The following ASB18 variants were observed in gnomAD, a reference collection of about 807,000 sequenced individuals.
The protein encoded by ASB18 is ankyrin repeat and SOCS box protein 18.
ASB18 carries 33 observed loss-of-function variants against 33.4 expected under a neutral mutation model. The observed-to-expected ratio is 0.99, with a 90% CI of 0.75 to 1.32. The LOEUF (loss-of-function observed/expected upper bound fraction) is 1.32, where lower values mean the gene tolerates loss of function less well. Ranked by LOEUF, ASB18 falls within the 40% of genes most tolerant of loss-of-function variation. ASB18 has a pLI of 0.00. For missense variants in ASB18, 694 were observed against 655.5 expected (o/e 1.06, Z -0.64); for synonymous variants, 295 against 307.6 (o/e 0.96, Z 0.43).
intron 3 of ASB18, among the ~76,000 whole-genome samples, chr2:236,224,198 T>G (rs1345762750): frequency 6.7e-6 from 1 of 148,154 alleles, no homozygotes; most frequent in African/African-American, 2.5e-5. Flanking sequence ...TTTTTTTTTT[T>G]TTTTTTTTTT....
intron 3 of ASB18, among the ~76,000 whole-genome samples, chr2:236,230,341 T>G (rs558509188): frequency 1.3e-5 from 2 of 150,004 alleles, no homozygotes; most frequent in South Asian, 4.3e-4. Context: ...AGACATACAG[T>G]GCAAGAAATG....
In ASB18 at chr2:236,239,732, T is replaced by C. The variant is rs2060612723; in HGVS notation, c.328+1548A>G. On this transcript the variant is annotated intron_variant, in intron 2 of 5. Transcript: ENST00000409749. The surrounding 1 kb of genome is among the most constrained non-coding windows in gnomAD (Gnocchi z 5.6). ...TGCTCCCTGTACTCAGATCAATCCC[T>C]TCCCCACCAGGGGAGCTGGAATTGG... 1.3e-5 allele frequency among the ~76,000 whole-genome samples: 2 copies of C among 152,216 alleles called. No individual in the cohort carries two copies. The highest frequency in any genetic ancestry group is 3.2e-3 in the Middle Eastern group (1 of 316).
At position 236,248,080 on chromosome 2, in the gene ASB18, G is replaced by A. The variant is rs796896725; in HGVS notation, c.206-6678C>T. On this transcript the variant is annotated intron_variant, in intron 1 of 5. Coordinates refer to ENST00000409749, the MANE Select transcript of ASB18 (RefSeq NM_212556.4). This position sits in a 1 kb window ranked among gnomAD's most constrained non-coding sequence, Gnocchi z 4.9. ...AATGCCAGTTTCATGACAGCCTCTT[G>A]GAAAAGATGGAAACAGTGCGAGTCT... 5 of 152,308 alleles carry A rather than the reference G, an allele frequency of 3.3e-5. No individual in the cohort carries two copies. The highest frequency in any genetic ancestry group is 1.2e-4 in the African/African-American group (5 of 41,570). 9.4% of individuals were successfully genotyped at this position (152,308 alleles called of 1,614,324 possible). A position where few individuals can be genotyped will look rare whatever the true frequency, so the allele number is the denominator to read the frequency against.
rs1356848103 is a variant in ASB18, at chr2:236,215,817, A to G, written c.597-951T>C. 6.6e-6 allele frequency among the ~76,000 whole-genome samples: 1 copy of G among 152,088 alleles called. No homozygotes were observed. Among genetic ancestry groups the G allele is most frequent in the Non-Finnish European group, 1.5e-5 (1 of 68,008 alleles). ...CCCCCAACTTCAGCCACCTGCTCCC[A>G]TAGTCACCTGCCATCGATAAGGCCG... is the stretch of plus-strand genomic sequence containing the variant. On this transcript the variant is annotated intron_variant, in intron 3 of 5. Coordinates refer to ENST00000409749, the MANE Select transcript of ASB18 (RefSeq NM_212556.4). The surrounding 1 kb of genome is among the most constrained non-coding windows in gnomAD (Gnocchi z 7.2).
chr2:236,209,358 C>T lies in ASB18; in HGVS notation c.1101+5004G>A, dbSNP rs1361942758. Among the ~76,000 whole-genome samples, 1 of 151,660 alleles carries T rather than the reference C, an allele frequency of 6.6e-6. No individual in the cohort carries two copies. The highest frequency in any genetic ancestry group is 6.6e-5 in the Admixed American group (1 of 15,208). ...TGCAATCATGGCTCACTGCAGCTTC[C>T]ACCCCCTGGGTTTAGGTAATCCTCC... On this transcript the variant is annotated intron_variant, in intron 4 of 5. Coordinates refer to ENST00000409749, the MANE Select transcript of ASB18 (RefSeq NM_212556.4). The surrounding 1 kb of genome is among the most constrained non-coding windows in gnomAD (Gnocchi z 4.4).
At position 236,244,349 on chromosome 2, in the gene ASB18, G is replaced by A. The variant is rs563246686; in HGVS notation, c.206-2947C>T. On this transcript the variant is annotated intron_variant, in intron 1 of 5. Transcript: ENST00000409749. This position sits in a 1 kb window ranked among gnomAD's most constrained non-coding sequence, Gnocchi z 6.1. ...GCCCAGGAGGGCTAAGCAGACCCTCGCCCAGGGAGGCGGGCATAGCATAAG... is the reference window on the plus strand; with the variant it reads ...GCCCAGGAGGGCTAAGCAGACCCTCACCCAGGGAGGCGGGCATAGCATAAG... 1.3e-5 allele frequency among the ~76,000 whole-genome samples: 2 copies of A among 150,884 alleles called. No individual in the cohort carries two copies. The highest frequency in any genetic ancestry group is 1.9e-4 in the East Asian group (1 of 5,174).
chr2:236,240,732 C>T (rs2219062), intron 2 of ASB18, among the ~76,000 whole-genome samples: 130,726 of 152,262 alleles, frequency 0.86, 56,548 homozygotes, highest in African/African-American at 0.96. Context: ...CCTGCAGACA[C>T]GTATGAAGTC....
rs755783436 is a variant in ASB18 at position 236,241,419 on chromosome 2, G to A, written c.206-17C>T. Reference sequence around the variant, plus strand: ...CGAGGTCCCCTGCGACCAGGGCAGTGTGGTACTCCTGCACCGGGGACCCTG... The same window carrying A: ...CGAGGTCCCCTGCGACCAGGGCAGTATGGTACTCCTGCACCGGGGACCCTG... On this transcript the variant is annotated splice_polypyrimidine_tract_variant and intron_variant, in intron 1 of 5. Transcript: ENST00000409749. This position sits in a 1 kb window ranked among gnomAD's most constrained non-coding sequence, Gnocchi z 4.2. The A allele has an allele frequency of 3.7e-6, 6 of 1,613,908 alleles. No individual in the cohort carries two copies. The Admixed American group carries it at 1.0e-4, about 27-fold the overall frequency.
In ASB18 at chr2:236,214,511, C is replaced by G; in HGVS notation, c.952G>C (p.Asp318His). The G allele has an allele frequency of 6.8e-7, 1 of 1,468,098 alleles. No individual in the cohort carries two copies. Among genetic ancestry groups the G allele is most frequent in the Non-Finnish European group, 8.9e-7 (1 of 1,121,296 alleles). The allele number at this position is 1,468,098 out of a possible 1,614,324, so 90.9% of individuals were successfully genotyped here. ...LARLLLRHGA[D>H]AGALDYGGAS... ...CCGCCATAGTCGAGCGCGCCCGCGT[C>G]GGCGCCGTGCCGCAGTAGGAGGCGC... Residue 318 changes from aspartate (D) to histidine (H), a missense_variant, in exon 4 of 6, where the codon GAC (aspartate) becomes CAC (histidine). Transcript: ENST00000409749. The surrounding 1 kb of genome is among the most constrained non-coding windows in gnomAD (Gnocchi z 6.5).
At position 236,238,218 on chromosome 2, in the gene ASB18, G is replaced by A. The variant is rs532464254; in HGVS notation, c.329-262C>T. Among the ~76,000 whole-genome samples, 33 of 151,312 alleles carry A rather than the reference G, an allele frequency of 2.2e-4. No individual in the cohort carries two copies. The highest frequency in any genetic ancestry group is 4.4e-4 in the Non-Finnish European group (30 of 67,992). ...AACCGAGCTAGAGAGATGGGGCGCC[G>A]GGTATTGAGAAGCAAGAGGATTTTG... On this transcript the variant is annotated intron_variant, in intron 2 of 5. Transcript: ENST00000409749. The surrounding 1 kb of genome is among the most constrained non-coding windows in gnomAD (Gnocchi z 5.2).
rs1272671354 is a variant in ASB18 at position 236,214,442 on chromosome 2, G to A, written c.1021C>T (p.Leu341Phe). 1 of 1,546,914 alleles carries A rather than the reference G, an allele frequency of 6.5e-7. No homozygotes were observed. The highest frequency in any genetic ancestry group is 1.9e-5 in the Admixed American group (1 of 52,562). ...GRVLQTASCA[L>F]QASPQRTVQA... is the part of the protein sequence containing the mutation. ...ACCGTGCGCTGCGGTGAGGCCTGGAGAGCGCAGGATGCGGTCTGGAGCACG... is the reference window on the plus strand; with the variant it reads ...ACCGTGCGCTGCGGTGAGGCCTGGAAAGCGCAGGATGCGGTCTGGAGCACG... Residue 341 changes from leucine to phenylalanine, a missense_variant, in exon 4 of 6, where the codon CTC becomes TTC. By Grantham distance (22) the Leu-to-Phe change is conservative. Transcript: ENST00000409749. This position sits in a 1 kb window ranked among gnomAD's most constrained non-coding sequence, Gnocchi z 6.5.
At chr2:236,206,021 G>C (rs530839214) in intron 4 of ASB18, among the ~76,000 whole-genome samples, 3 of 152,192 alleles carry the variant, frequency 2.0e-5, no homozygotes, top group South Asian at 4.1e-4. Context: ...CACCCTTTTC[G>C]ATTGCCAACC....
chr2:236,232,261 C>A (rs1189265445), intron 3 of ASB18, among the ~76,000 whole-genome samples: 12 of 146,968 alleles, frequency 8.2e-5, no homozygotes, highest in South Asian at 2.2e-4. Context: ...ACCCATGACT[C>A]AAAAAAAAAA....
Position 236,223,889 on chromosome 2 carries a change from G to C in ASB18, c.597-9023C>G, listed in dbSNP as rs545233594. ...TTAAATTGCTGAGTCATATTCAATT[G>C]TATGGATATACCACAATTTTAAGCC... On this transcript the variant is annotated intron_variant, in intron 3 of 5. Transcript: ENST00000409749. This position sits in a 1 kb window ranked among gnomAD's most constrained non-coding sequence, Gnocchi z 4.6. Among the ~76,000 whole-genome samples the C allele has an allele frequency of 6.6e-6, 1 of 152,184 alleles. No homozygotes were observed. The highest frequency in any genetic ancestry group is 6.5e-5 in the Admixed American group (1 of 15,296).
chr2:236,227,761 A>G (rs1049481764), intron 3 of ASB18, among the ~76,000 whole-genome samples: 1 of 151,736 alleles, frequency 6.6e-6, no homozygotes, highest in African/African-American at 2.4e-5. Context: ...AATGAAGCTG[A>G]TGCTTCTTTC....
chr2:236,212,735 C>A (rs2060464929), intron 4 of ASB18, among the ~76,000 whole-genome samples: 2 of 152,162 alleles, frequency 1.3e-5, no homozygotes, highest in Non-Finnish European at 2.9e-5. Context: ...GGTAATCCTC[C>A]TGCCTCAGCC....
rs1159017639 is a variant in ASB18, at chr2:236,235,815, C to G, written c.596+1874G>C. Among the ~76,000 whole-genome samples, 1 of 152,132 alleles carries G rather than the reference C, an allele frequency of 6.6e-6. No individual in the cohort carries two copies. Among genetic ancestry groups the G allele is most frequent in the Non-Finnish European group, 1.5e-5 (1 of 68,038 alleles). Reference sequence around the variant, plus strand: ...CTCAAGCGATCCTCCCACCTCAGCCCCCTGAGTAGCTGGGATTACAGGTGC... The same window carrying G: ...CTCAAGCGATCCTCCCACCTCAGCCGCCTGAGTAGCTGGGATTACAGGTGC... On this transcript the variant is annotated intron_variant, in intron 3 of 5. Transcript: ENST00000409749. This position sits in a 1 kb window ranked among gnomAD's most constrained non-coding sequence, Gnocchi z 6.2.
Position 236,259,559 on chromosome 2 carries a change from T to C in ASB18, c.205+4582A>G. The C allele has an allele frequency of 2.1e-6, 1 of 471,202 alleles. No homozygotes were observed. The highest frequency in any genetic ancestry group is 1.5e-5 in the South Asian group (1 of 64,558). The allele number at this position is 471,202 out of a possible 1,614,324, so 29.2% of individuals were successfully genotyped here. On this transcript the variant is annotated intron_variant, in intron 1 of 5. Transcript: ENST00000409749. This position sits in a 1 kb window ranked among gnomAD's most constrained non-coding sequence, Gnocchi z 4.4. ...GGAAGGGATGGCCTTCCAGTGGACG[T>C]GACCTCCCCTGCATGGGGTCGGAAG...
chr2:236,214,055 A>C lies in ASB18; in HGVS notation c.1101+307T>G. 5.6e-6 allele frequency: 2 copies of C among 359,510 alleles called. No individual in the cohort carries two copies. Among genetic ancestry groups the C allele is most frequent in the African/African-American group, 2.1e-5 (1 of 46,654 alleles). 22.3% of individuals were successfully genotyped at this position (359,510 alleles called of 1,614,324 possible). ...GCCTGGCGTCCGTCCCCAGGTGACT[A>C]CTTTGAAAGGATGCATTCTTCACAT... On this transcript the variant is annotated intron_variant, in intron 4 of 5. Coordinates refer to ENST00000409749, the MANE Select transcript of ASB18 (RefSeq NM_212556.4). The surrounding 1 kb of genome is among the most constrained non-coding windows in gnomAD (Gnocchi z 6.5).
Sources: gnomAD v4.1 joint callset for allele counts (sites outside exome capture counted in the v4.1 genomes callset) on GRCh38, gnomAD v4.1.1 for gene constraint, Gnocchi (gnomAD v3.1) non-coding constraint, MANE v1.5 for transcripts, NCBI Gene and HGNC (gene_info 2026-07-23, HGNC 2026-07-21) for gene names.